CEP295NL: variants seen among roughly 807,000 people sequenced by gnomAD.
The protein encoded by CEP295NL is CEP295 N-terminal like.
In CEP295NL, 3 loss-of-function variants were observed where a neutral mutation model predicts 4.6. The observed-to-expected ratio is 0.65, with a 90% CI of 0.30 to 1.69. The LOEUF (loss-of-function observed/expected upper bound fraction) is 1.69, where lower values mean the gene tolerates loss of function less well. Among genes scored for constraint, CEP295NL ranks in the 40% most tolerant of loss-of-function variants. The pLI, the probability that CEP295NL is intolerant of heterozygous loss-of-function variation, is 0.10. For missense variants in CEP295NL, 719 were observed against 769.0 expected, an observed-to-expected ratio of 0.93 and a Z score of 0.77; for synonymous variants, 295 against 312.2, an observed-to-expected ratio of 0.94 and a Z score of 0.58.
intron 2 of CEP295NL, chr17:78,898,071 T>C (rs1181772834): frequency 6.6e-6 from 1 of 152,058 alleles, no homozygotes; most frequent in Non-Finnish European, 1.5e-5. Flanking sequence ...AAACAAAAGC[T>C]CAGAGAGGCT....
intron 2 of CEP295NL, chr17:78,899,079 C>T (rs1190997917): frequency 6.6e-6 from 1 of 151,938 alleles, no homozygotes; most frequent in Non-Finnish European, 1.5e-5. Flanking sequence ...GGTGTGAGCC[C>T]CCACGCCCGC....
intron 2 of CEP295NL, among the ~76,000 whole-genome samples, chr17:78,893,680 G>A (rs989912134): frequency 2.0e-5 from 3 of 152,022 alleles, no homozygotes; most frequent in African/African-American, 4.8e-5. Flanking sequence ...ATGTGTGCAT[G>A]CAAGTCTGAT....
At position 78,891,002 on chromosome 17, in the gene CEP295NL, G is replaced by C. The variant is rs2069882600; in HGVS notation, c.1502C>G (p.Ser501Cys). 3 of 1,551,050 alleles carry C rather than the reference G, an allele frequency of 1.9e-6. No individual in the cohort carries two copies. The highest frequency in any genetic ancestry group is 2.6e-6 in the Non-Finnish European group (3 of 1,147,160). ...CATCTCTGCTTTCTGCCTTTGCCTG[G>C]ATGCCGTCGAGCCCACTCTGTCTGC... ...DQADRVGSTA[S>C]RQRQKAEMEQ... The change falls in exon 3 of 3, where the codon TCC becomes TGC. Residue 501 changes from serine (S) to cysteine (C), a missense_variant. Transcript: ENST00000322630. This position sits in a 1 kb window ranked among gnomAD's most constrained non-coding sequence, Gnocchi z 4.5.
In CEP295NL at chr17:78,894,540, A is replaced by T. The variant is rs541916073; in HGVS notation, c.45-2081T>A. ...TTTGACAAAGGTGCCACGGCAATTT[A>T]ATGTGGGGAAAGAATAGTTTTTTTG... On this transcript the variant is annotated intron_variant, in intron 2 of 2. Transcript: ENST00000322630. 7.2e-5 allele frequency among the ~76,000 whole-genome samples: 11 copies of T among 152,290 alleles called. No homozygotes were observed. In the South Asian group the frequency reaches 1.5e-3, roughly 20 times the overall value.
chr17:78,893,398 CAGGGGTGTGTGTGCAT>C (rs1360771760), intron 2 of CEP295NL, among the ~76,000 whole-genome samples: 4 of 53,174 alleles, frequency 7.5e-5, no homozygotes, highest in Non-Finnish European at 9.1e-5. Context: ...GGTGTGTATG[CAGGGGTGTGTGTGCAT>C]AGGGGTGTGT....
Position 78,902,053 on chromosome 17 carries a change from C to T in CEP295NL, c.-98-127G>A, listed in dbSNP as rs550393359. 4.3e-4 allele frequency: 220 copies of T among 514,482 alleles called. 4 individuals carry two copies. The South Asian group carries it at 5.0e-3, about 12-fold the overall frequency. The allele number at this position is 514,482 out of a possible 1,614,324, so 31.9% of individuals were successfully genotyped here. On this transcript the variant is annotated intron_variant, in intron 1 of 2. Coordinates refer to ENST00000322630, the MANE Select transcript of CEP295NL (RefSeq NM_001243540.2). ...TGTGTGCTGCCAGAGGCTTGGTTTT[C>T]GCCCTCTTCTCCCCAACTCTTAGCC...
chr17:78,891,293 C>A lies in CEP295NL; in HGVS notation c.1211G>T (p.Gly404Val), dbSNP rs1365653808. ...CTCCTCTGCTGGGCTCCTGGGTTCC[C>A]CGGCAGGCAGCATCTCTGGGTCTGC... ...KMADPEMLPAGEPRSPAEEEA... is the reference protein window; with the variant it reads ...KMADPEMLPAVEPRSPAEEEA... The change falls in exon 3 of 3, where the codon GGG becomes GTG. Residue 404 changes from glycine (G) to valine (V), a missense_variant. Physicochemically the swap from Gly to Val is moderately radical, Grantham distance 109. Coordinates refer to ENST00000322630, the MANE Select transcript of CEP295NL (RefSeq NM_001243540.2). This position sits in a 1 kb window ranked among gnomAD's most constrained non-coding sequence, Gnocchi z 4.5. 2.6e-6 allele frequency: 4 copies of A among 1,550,572 alleles called. No individual in the cohort carries two copies. The highest frequency in any genetic ancestry group is 2.4e-5 in the East Asian group (1 of 40,916).
chr17:78,890,779 CGAT>C lies in CEP295NL; in HGVS notation c.1722_1724del (p.Ser575del). 1 of 1,550,586 alleles carries C rather than the reference CGAT, an allele frequency of 6.4e-7. No individual in the cohort carries two copies. The highest frequency in any genetic ancestry group is 8.7e-7 in the Non-Finnish European group (1 of 1,146,994). On this transcript the variant is annotated inframe_deletion, in exon 3 of 3. Transcript: ENST00000322630. ...GGTCGTCGTCGGCGAGGCTGGTGCCCGATGGGGAAGTGGTGCTGAGCTCAGATC... is the reference window on the plus strand; with the variant it reads ...GGTCGTCGTCGGCGAGGCTGGTGCCCGGGGAAGTGGTGCTGAGCTCAGATC...
At chr17:78,901,741 A>G (rs984851794) in intron 2 of CEP295NL, 44 bp downstream of exon 2, 3 of 717,268 alleles carry the variant, frequency 4.2e-6, no homozygotes, top group Admixed American at 4.0e-5. Flanking sequence ...GCTTGTCACC[A>G]CGAGAAGCAC....
intron 2 of CEP295NL, 171 bp from the exon 3 acceptor site, chr17:78,892,630 T>G: frequency 1.0e-6 from 1 of 984,850 alleles, no homozygotes; most frequent in Non-Finnish European, 1.5e-6. Flanking sequence ...TCCCAATTTC[T>G]GTCCTGTACA....
chr17:78,901,611 G>T (rs2070094342), intron 2 of CEP295NL, among the ~76,000 whole-genome samples, 174 bp downstream of exon 2: 4 of 152,162 alleles, frequency 2.6e-5, no homozygotes, highest in Non-Finnish European at 5.9e-5. Flanking sequence ...TAGAATGGCA[G>T]AGTATGGTGC....
In CEP295NL at chr17:78,896,486, G is replaced by A. The variant is rs7217012; in HGVS notation, c.45-4027C>T. On this transcript the variant is annotated intron_variant, in intron 2 of 2. Transcript: ENST00000322630. The surrounding 1 kb of genome is among the most constrained non-coding windows in gnomAD (Gnocchi z 4.4). ...CCCTCGCTACAGCTCCCCTCCCAGA[G>A]GCACCTGCCCTCTCTGGTTGCTTAG... Among the ~76,000 whole-genome samples the A allele has an allele frequency of 0.075, 11,445 of 152,172 alleles. 1,361 individuals carry two copies. Among genetic ancestry groups the A allele is most frequent in the African/African-American group, 0.26 (10,644 of 41,440 alleles).
chr17:78,893,821 C>T (rs1419810148), intron 2 of CEP295NL, among the ~76,000 whole-genome samples: 1 of 152,082 alleles, frequency 6.6e-6, no homozygotes, highest in East Asian at 1.9e-4. Context: ...GGAAGGGACC[C>T]ATGCTTTGGC....
Position 78,890,768 on chromosome 17 carries a change from AGGCTGGTGCCC to A in CEP295NL, c.1725_1735del (p.Gly576ArgfsTer29), listed in dbSNP as rs2069876617. 2 of 1,550,466 alleles carry A rather than the reference AGGCTGGTGCCC, an allele frequency of 1.3e-6. No individual in the cohort carries two copies. Among genetic ancestry groups the A allele is most frequent in the Non-Finnish European group, 1.7e-6 (2 of 1,147,012 alleles). Reference sequence around the variant, plus strand: ...CTGACTGTGCCGGTCGTCGTCGGCGAGGCTGGTGCCCGATGGGGAAGTGGTGCTGAGCTCAG... The same window carrying A: ...CTGACTGTGCCGGTCGTCGTCGGCGAGATGGGGAAGTGGTGCTGAGCTCAG... On this transcript the variant is annotated frameshift_variant, in exon 3 of 3. Transcript: ENST00000322630. LOFTEE classifies it high-confidence loss of function.
Position 78,890,955 on chromosome 17 carries a change from G to A in CEP295NL, c.1549C>T (p.Leu517=). ...TGTTCCATTTGTTCAAGCGATTCCA[G>A]TTGTTTTTGTCTTCTCTGCTCCATC... is the stretch of plus-strand genomic sequence containing the variant. The part of the protein sequence containing the change: ...AEMEQRRQKQ[L]ESLEQMEHPD... Residue 517 remains leucine (L), a synonymous_variant, in exon 3 of 3, where the codon CTG becomes TTG. Coordinates refer to ENST00000322630, the MANE Select transcript of CEP295NL (RefSeq NM_001243540.2). 6.4e-7 allele frequency: 1 copy of A among 1,551,088 alleles called. No individual in the cohort carries two copies. The highest frequency in any genetic ancestry group is 8.7e-7 in the Non-Finnish European group (1 of 1,147,126).
chr17:78,890,905 G>A lies in CEP295NL; in HGVS notation c.1599C>T (p.His533=), dbSNP rs2069879758. The A allele has an allele frequency of 6.4e-7, 1 of 1,550,772 alleles. No homozygotes were observed. The highest frequency in any genetic ancestry group is 2.4e-5 in the East Asian group (1 of 40,912). The change falls in exon 3 of 3, where the codon CAC becomes CAT. Residue 533 remains histidine (H), a synonymous_variant. Transcript: ENST00000322630. ...MEHPDMSLEI[H]YKAELEKERR... is the part of the protein sequence containing the mutation. ...TCTCTTTTTCTAGCTCAGCTTTGTA[G>A]TGGATTTCCAAGCTCATATCTGGGT...
In CEP295NL at chr17:78,903,122, G is replaced by A. The variant is rs1433994798; in HGVS notation, c.-99+12C>T. The A allele has an allele frequency of 6.6e-6, 1 of 152,366 alleles. No individual in the cohort carries two copies. Among genetic ancestry groups the A allele is most frequent in the African/African-American group, 2.4e-5 (1 of 41,464 alleles). The allele number at this position is 152,366 out of a possible 1,614,324, so 9.4% of individuals were successfully genotyped here. Reference sequence around the variant, plus strand: ...AGCCTCAGCCCCGCAGTGGTCTCAGGGGCCCACTGACCAAAGGTGGCCGGA... The same window carrying A: ...AGCCTCAGCCCCGCAGTGGTCTCAGAGGCCCACTGACCAAAGGTGGCCGGA... On this transcript the variant is annotated intron_variant, in intron 1 of 2. Transcript: ENST00000322630.
intron 2 of CEP295NL, among the ~76,000 whole-genome samples, chr17:78,895,449 C>G (rs973906263): frequency 6.6e-6 from 1 of 152,144 alleles, no homozygotes; most frequent in Non-Finnish European, 1.5e-5. Flanking sequence ...TCCACTCCAA[C>G]GGCTGTCGTC....
chr17:78,900,638 T>C (rs111563200), intron 2 of CEP295NL, among the ~76,000 whole-genome samples: 9,866 of 152,280 alleles, frequency 0.065, 419 homozygotes, highest in Middle Eastern at 0.12. Context: ...CTTTCACACC[T>C]GACCTTATCA....
Sources: gnomAD v4.1 joint callset for allele counts (sites outside exome capture counted in the v4.1 genomes callset) on GRCh38, gnomAD v4.1.1 for gene constraint, Gnocchi (gnomAD v3.1) non-coding constraint, MANE v1.5 for transcripts, NCBI Gene and HGNC (gene_info 2026-07-23, HGNC 2026-07-21) for gene names.